CAST: variants seen among roughly 807,000 people sequenced by gnomAD.
CAST encodes calpastatin, also known as MIR583 host.
Under a neutral mutation model 119.6 loss-of-function variants are expected in CAST, and 76 were observed. The ratio of observed to expected loss-of-function variants is 0.64; its 90% CI spans 0.53 to 0.77. The LOEUF (loss-of-function observed/expected upper bound fraction) is 0.77, where lower values mean the gene tolerates loss of function less well. Among genes scored for constraint, CAST ranks in the 30% least tolerant of loss-of-function variants. The probability of loss-of-function intolerance (pLI) is 0.00; values close to 1 mark genes in which losing one functional copy is unlikely to be tolerated. For synonymous variants in CAST, 319 were observed against 331.6 expected, an observed-to-expected ratio of 0.96 and a Z score of 0.41; for missense variants, 953 against 946.5, an observed-to-expected ratio of 1.01 and a Z score of -0.09.
chr5:96,582,113 G>T (rs573710661), intron 1 of CAST, among the ~76,000 whole-genome samples: 33 of 152,232 alleles, frequency 2.2e-4, no homozygotes, highest in South Asian at 4.1e-4. Flanking sequence ...CAAGACACCA[G>T]CCTGCATTAT....
rs186349666 is a variant in CAST at position 96,557,176 on chromosome 5, A to C, written c.60+27296A>C. 6.3e-3 allele frequency among the ~76,000 whole-genome samples: 955 copies of C among 152,150 alleles called. 45 individuals carry two copies. Among genetic ancestry groups the C allele is most frequent in the Admixed American group, 0.054 (820 of 15,268 alleles). ...GCAAATACTGAGAGATTTTGTCACC[A>C]CCAGGCCTGCCTTACAAGAGCTCCT... On this transcript the variant is annotated intron_variant, in intron 1 of 11. Coordinates refer to the CAST transcript ENST00000505143.
At chr5:96,739,645 A>G (rs951920136) in intron 11 of CAST, among the ~76,000 whole-genome samples, 1 of 152,216 alleles carries the variant, frequency 6.6e-6, no homozygotes, top group African/African-American at 2.4e-5. Flanking sequence ...TAAACAGGAG[A>G]CATCCACTCT....
the CAST span, among the ~76,000 whole-genome samples, chr5:96,482,673 G>A: frequency 3.3e-5 from 5 of 152,062 alleles, no homozygotes; most frequent in East Asian, 1.9e-4. Context: ...TCATGTTCCT[G>A]TCTGGTCATA....
intron 1 of CAST, among the ~76,000 whole-genome samples, chr5:96,594,715 T>G (rs1187658726): frequency 6.6e-6 from 1 of 152,218 alleles, no homozygotes; most frequent in Non-Finnish European, 1.5e-5. Context: ...TATTTTGCAG[T>G]AAATCCTACA....
chr5:96,745,420 G>A (rs1400836706), intron 16 of CAST, among the ~76,000 whole-genome samples: 8 of 152,250 alleles, frequency 5.3e-5, no homozygotes, highest in Middle Eastern at 3.4e-3. Flanking sequence ...TGTAAAACAT[G>A]ACCAGCTGAC....
the CAST span, among the ~76,000 whole-genome samples, chr5:96,036,135 A>G: frequency 4.2e-5 from 6 of 142,956 alleles, no homozygotes; most frequent in Non-Finnish European, 1.5e-5. Context: ...CCTTTGTAAA[A>G]AGGGGAGAAA....
chr5:96,497,863 T>G, the CAST span, among the ~76,000 whole-genome samples: 3 of 152,394 alleles, frequency 2.0e-5, no homozygotes, highest in South Asian at 4.1e-4. Flanking sequence ...CTCTTTAGTT[T>G]AATTAGATCC....
chr5:96,462,354 T>C, the CAST span, among the ~76,000 whole-genome samples: 1 of 152,104 alleles, frequency 6.6e-6, no homozygotes, highest in Non-Finnish European at 1.5e-5. Context: ...TATAAGCCAC[T>C]AAACTACAAT....
intron 1 of CAST, among the ~76,000 whole-genome samples, chr5:96,628,829 C>T (rs1330057179): frequency 1.3e-5 from 2 of 151,964 alleles, no homozygotes; most frequent in African/African-American, 4.8e-5. Flanking sequence ...GAGCAAATAT[C>T]TTGTGCATAT....
chr5:96,138,026 G>A, the CAST span, among the ~76,000 whole-genome samples: 1 of 151,830 alleles, frequency 6.6e-6, no homozygotes, highest in Non-Finnish European at 1.5e-5. Flanking sequence ...CCCTTCATAG[G>A]TTGTGCTTTT....
chr5:96,705,885 A>C (rs780029824), intron 3 of CAST, among the ~76,000 whole-genome samples: 2 of 152,196 alleles, frequency 1.3e-5, no homozygotes, highest in Non-Finnish European at 2.9e-5. Flanking sequence ...TTTTCAGGAC[A>C]TATTTAACAG....
At chr5:96,034,462 T>TACACACACACACACACACACACAC in the CAST span, among the ~76,000 whole-genome samples, 17 of 101,836 alleles carry the variant, frequency 1.7e-4, 1 homozygote, top group Admixed American at 1.6e-3. Flanking sequence ...GTATATATCA[T>TACACACACACACACACACACACAC]ACACACACAC....
the CAST span, among the ~76,000 whole-genome samples, chr5:96,436,167 G>A: frequency 6.6e-6 from 1 of 152,184 alleles, no homozygotes; most frequent in Admixed American, 6.5e-5. Context: ...TAACAAATTA[G>A]TCTGTAATTA....
chr5:96,473,080 A>G, the CAST span, among the ~76,000 whole-genome samples: 3 of 152,196 alleles, frequency 2.0e-5, no homozygotes, highest in African/African-American at 7.2e-5. Context: ...ACACTGGACT[A>G]GGGGCCACCC....
the CAST span, among the ~76,000 whole-genome samples, chr5:96,480,450 T>C: frequency 6.6e-6 from 1 of 152,218 alleles, no homozygotes. Flanking sequence ...CCCTGCCATA[T>C]ATTGAAGTAG....
the CAST span, among the ~76,000 whole-genome samples, chr5:96,064,279 C>T: frequency 2.6e-5 from 4 of 152,226 alleles, no homozygotes; most frequent in Non-Finnish European, 5.9e-5. Context: ...TCTTCTTACC[C>T]TCTATAAGAG....
the CAST span, chr5:96,392,736 A>G: frequency 0.23 from 115,164 of 505,378 alleles, 14,749 homozygotes; most frequent in Non-Finnish European, 0.26. Context: ...GCTTTTTGTC[A>G]ACTGTGACTC....
chr5:96,667,777 G>A (rs1448140009), intron 1 of CAST, among the ~76,000 whole-genome samples: 1 of 152,224 alleles, frequency 6.6e-6, no homozygotes, highest in Non-Finnish European at 1.5e-5. Context: ...CACTTTGGGA[G>A]GCTGAGGCGG....
chr5:96,053,864 T>C, the CAST span, among the ~76,000 whole-genome samples: 2 of 152,234 alleles, frequency 1.3e-5, no homozygotes, highest in African/African-American at 2.4e-5. Context: ...TGAGCTTAGT[T>C]GGTAAAAATA....
Sources: gnomAD v4.1 joint callset for allele counts (sites outside exome capture counted in the v4.1 genomes callset) on GRCh38, gnomAD v4.1.1 for gene constraint, MANE v1.5 for transcripts, NCBI Gene and HGNC (gene_info 2026-07-23, HGNC 2026-07-21) for gene names.